SLC24A2: variants seen among roughly 807,000 people sequenced by gnomAD.
SLC24A2 encodes the protein sodium/potassium/calcium exchanger 2.
SLC24A2 carries 36 observed loss-of-function variants against 62.0 expected under a neutral mutation model. The ratio of observed to expected loss-of-function variants is 0.58; its 90% CI spans 0.44 to 0.77. SLC24A2 has a LOEUF of 0.77. Among genes scored for constraint, SLC24A2 ranks in the 30% least tolerant of loss-of-function variants. The probability of loss-of-function intolerance (pLI) is 0.00; values close to 1 mark genes in which losing one functional copy is unlikely to be tolerated. For missense variants in SLC24A2, 846 were observed against 817.9 expected (o/e 1.03, Z -0.42); for synonymous variants, 358 against 294.0 (o/e 1.22, Z -2.23).
chr9:19,910,655 A>T, the SLC24A2 span, among the ~76,000 whole-genome samples: 1 of 152,068 alleles, frequency 6.6e-6, no homozygotes, highest in Non-Finnish European at 1.5e-5. Flanking sequence ...ACTGCCTGGA[A>T]CAACTTTTCT....
the SLC24A2 span, among the ~76,000 whole-genome samples, chr9:19,840,806 G>A: frequency 2.0e-5 from 3 of 152,164 alleles, no homozygotes; most frequent in South Asian, 2.1e-4. Flanking sequence ...TCATCTTAAC[G>A]TTAGTTTTAC....
At chr9:20,298,053 G>T in the SLC24A2 span, among the ~76,000 whole-genome samples, 1 of 152,158 alleles carries the variant, frequency 6.6e-6, no homozygotes, top group Admixed American at 6.5e-5. Context: ...GCTGTATGGA[G>T]CAGGCAGCAG....
At chr9:19,522,183 T>TA (rs1360846804) in intron 9 of SLC24A2, among the ~76,000 whole-genome samples, 1 of 152,104 alleles carries the variant, frequency 6.6e-6, no homozygotes, top group Non-Finnish European at 1.5e-5. Context: ...TAGTTTTTTT[T>TA]AGAGATGGTT....
intron 8 of SLC24A2, among the ~76,000 whole-genome samples, chr9:19,544,616 G>T (rs1472519144): frequency 6.6e-6 from 1 of 152,226 alleles, no homozygotes; most frequent in East Asian, 1.9e-4. Context: ...CTCTTGTAAG[G>T]CAGGCCTGGT....
At chr9:19,531,007 T>C (rs1833682032) in intron 8 of SLC24A2, among the ~76,000 whole-genome samples, 1 of 152,072 alleles carries the variant, frequency 6.6e-6, no homozygotes, top group South Asian at 2.1e-4. Context: ...ATAATGATCA[T>C]GATCATGATC....
At chr9:19,781,748 T>C (rs1193407514) in intron 2 of SLC24A2, among the ~76,000 whole-genome samples, 1 of 152,216 alleles carries the variant, frequency 6.6e-6, no homozygotes, top group Non-Finnish European at 1.5e-5. Context: ...ATACATCTTT[T>C]TATTTAATAT....
At chr9:19,884,563 G>A in the SLC24A2 span, among the ~76,000 whole-genome samples, 7 of 152,138 alleles carry the variant, frequency 4.6e-5, no homozygotes, top group Non-Finnish European at 8.8e-5. Context: ...TTATGCTTAT[G>A]TATATATGTA....
chr9:19,636,254 C>T (rs1160449174), intron 2 of SLC24A2, among the ~76,000 whole-genome samples: 2 of 105,018 alleles, frequency 1.9e-5, no homozygotes, highest in Non-Finnish European at 3.9e-5. Context: ...TGCTAGGTGT[C>T]CTTTTCTTTT....
chr9:19,530,555 A>C (rs2132667941), intron 8 of SLC24A2, among the ~76,000 whole-genome samples: 1 of 152,306 alleles, frequency 6.6e-6, no homozygotes, highest in East Asian at 1.9e-4. Flanking sequence ...ATTTGAACAT[A>C]TTTCTCATCT....
At chr9:20,092,147 G>A in the SLC24A2 span, among the ~76,000 whole-genome samples, 1 of 152,160 alleles carries the variant, frequency 6.6e-6, no homozygotes. Context: ...TTGGTTACTC[G>A]GCTTAGTACC....
At chr9:20,269,510 A>G in the SLC24A2 span, among the ~76,000 whole-genome samples, 1 of 152,296 alleles carries the variant, frequency 6.6e-6, no homozygotes, top group South Asian at 2.1e-4. Flanking sequence ...AAGGGGCACG[A>G]GTGAAAGGAG....
At chr9:20,196,282 C>T in the SLC24A2 span, among the ~76,000 whole-genome samples, 1 of 152,176 alleles carries the variant, frequency 6.6e-6, no homozygotes, top group East Asian at 1.9e-4. Context: ...AAGTAGAAGG[C>T]TTTCACTGCA....
intron 7 of SLC24A2, among the ~76,000 whole-genome samples, chr9:19,565,850 A>C (rs1185069677): frequency 6.6e-6 from 1 of 152,068 alleles, no homozygotes; most frequent in African/African-American, 2.4e-5. Flanking sequence ...ACATGACAAA[A>C]ACAAGAAATG....
chr9:19,832,149 A>G, the SLC24A2 span, among the ~76,000 whole-genome samples: 1 of 152,248 alleles, frequency 6.6e-6, no homozygotes, highest in Non-Finnish European at 1.5e-5. Context: ...GAATAGGCAG[A>G]ATCTAATTGC....
At chr9:19,733,497 G>A (rs564608119) in intron 2 of SLC24A2, among the ~76,000 whole-genome samples, 3 of 152,248 alleles carry the variant, frequency 2.0e-5, no homozygotes, top group East Asian at 3.9e-4. Flanking sequence ...AGAGAACGCA[G>A]CTTGCTGCAC....
At chr9:20,224,943 G>A in the SLC24A2 span, among the ~76,000 whole-genome samples, 6 of 152,052 alleles carry the variant, frequency 3.9e-5, no homozygotes, top group African/African-American at 1.4e-4. Context: ...ACCCCACCAA[G>A]CAGCCAATGA....
At chr9:19,521,467 C>T (rs1364522098) in intron 9 of SLC24A2, among the ~76,000 whole-genome samples, 3 of 152,202 alleles carry the variant, frequency 2.0e-5, no homozygotes, top group African/African-American at 7.2e-5. Flanking sequence ...CTACCAAAAC[C>T]AAGGACTGAC....
intron 4 of SLC24A2, among the ~76,000 whole-genome samples, chr9:19,609,874 T>C (rs966189435): frequency 2.6e-5 from 4 of 152,080 alleles, no homozygotes; most frequent in Non-Finnish European, 5.9e-5. Flanking sequence ...GCAACCTAGA[T>C]CCTCACATGC....
At chr9:19,753,055 G>A (rs1822032675) in intron 2 of SLC24A2, among the ~76,000 whole-genome samples, 1 of 152,204 alleles carries the variant, frequency 6.6e-6, no homozygotes, top group Admixed American at 6.5e-5. Context: ...GGTGCCAGGA[G>A]TAAGATTTAG....
Sources: gnomAD v4.1 joint callset for allele counts (sites outside exome capture counted in the v4.1 genomes callset) on GRCh38, gnomAD v4.1.1 for gene constraint, MANE v1.5 for transcripts, NCBI Gene and HGNC (gene_info 2026-07-23, HGNC 2026-07-21) for gene names.